TMEM45B: variants seen among roughly 807,000 people sequenced by gnomAD.
TMEM45B encodes the protein transmembrane protein 45B.
TMEM45B carries 29 observed loss-of-function variants against 27.3 expected under a neutral mutation model. The observed-to-expected ratio is 1.06, with a 90% CI of 0.79 to 1.45. TMEM45B has a LOEUF of 1.45. Ranked by LOEUF, TMEM45B falls within the 40% of genes most tolerant of loss-of-function variation. The pLI is 0.00. For missense variants in TMEM45B, 348 were observed against 343.9 expected (o/e 1.01, Z -0.09); for synonymous variants, 143 against 134.7 (o/e 1.06, Z -0.43).
intron 1 of TMEM45B, among the ~76,000 whole-genome samples, chr11:129,845,301 G>A (rs909236756): frequency 7.3e-6 from 1 of 137,466 alleles, no homozygotes; most frequent in African/African-American, 2.8e-5. Flanking sequence ...GTGTGTGTAT[G>A]CATGAAGGAA....
At chr11:129,818,918 A>G (rs759568492) in intron 1 of TMEM45B, among the ~76,000 whole-genome samples, 2 of 152,196 alleles carry the variant, frequency 1.3e-5, no homozygotes, top group East Asian at 1.9e-4. Context: ...GCTAAAAACA[A>G]TGTTCAGATT....
rs1356997227 is a variant in TMEM45B at position 129,845,338 on chromosome 11, TGTGTG to T, written c.-8-7136_-8-7132del. Reference sequence around the variant, plus strand: ...GGGTAGGAAATAGAGCTATTATAGATGTGTGTGTGTGTGTGTGTGTGTGTGTGTGT... The same window carrying T: ...GGGTAGGAAATAGAGCTATTATAGATTGTGTGTGTGTGTGTGTGTGTGTGT... On this transcript the variant is annotated intron_variant, in intron 1 of 5. Transcript: ENST00000281441. Among the ~76,000 whole-genome samples, 79 of 35,010 alleles carry T rather than the reference TGTGTG, an allele frequency of 2.3e-3. 2 individuals carry two copies. The highest frequency in any genetic ancestry group is 3.9e-3 in the African/African-American group (73 of 18,940). 23.0% of individuals were successfully genotyped at this position (35,010 alleles called of 152,430 possible).
At chr11:129,827,135 G>A (rs1947495046) in intron 1 of TMEM45B, 1 of 152,262 alleles carries the variant, frequency 6.6e-6, no homozygotes, top group African/African-American at 2.4e-5. Flanking sequence ...CCCACTTTGT[G>A]TGCTATGTGC....
intron 1 of TMEM45B, among the ~76,000 whole-genome samples, chr11:129,846,073 A>G (rs945785449): frequency 6.6e-6 from 1 of 152,272 alleles, no homozygotes; most frequent in African/African-American, 2.4e-5. Flanking sequence ...TTTGGTCAAC[A>G]TTTGACAGAT....
In TMEM45B at chr11:129,843,583, G is replaced by A. The variant is rs545968826; in HGVS notation, c.-8-8892G>A. ...TATAGCATTGTAGTCAAAGAATGTA[G>A]GCAATAAATTTTCTGCTTTGAGAAA... On this transcript the variant is annotated intron_variant, in intron 1 of 5. Coordinates refer to ENST00000281441, the MANE Select transcript of TMEM45B (RefSeq NM_138788.5). Among the ~76,000 whole-genome samples the A allele has an allele frequency of 4.7e-5, 7 of 149,882 alleles. No individual in the cohort carries two copies. In the South Asian group the frequency reaches 8.4e-4, roughly 18 times the overall value.
chr11:129,852,509 T>C lies in TMEM45B; in HGVS notation c.27T>C (p.Leu9=). The C allele has an allele frequency of 6.2e-7, 1 of 1,608,706 alleles. No individual in the cohort carries two copies. The highest frequency in any genetic ancestry group is 8.5e-7 in the Non-Finnish European group (1 of 1,175,476). Residue 9 remains leucine (L), a synonymous_variant, in exon 2 of 6, where the codon CTT becomes CTC. Coordinates refer to ENST00000281441, the MANE Select transcript of TMEM45B (RefSeq NM_138788.5). ...TGGCAAATTTCAAGGGCCACGCGCT[T>C]CCAGGGAGTTTCTTCCTGATCATTG... MANFKGHA[L]PGSFFLIIGL...
At chr11:129,832,257 C>T (rs1164286194) in intron 1 of TMEM45B, among the ~76,000 whole-genome samples, 2 of 151,654 alleles carry the variant, frequency 1.3e-5, no homozygotes, top group African/African-American at 4.8e-5. Flanking sequence ...GGAGTCCCAG[C>T]TACTCGGGAG....
At chr11:129,819,294 T>C (rs1199474264) in intron 1 of TMEM45B, among the ~76,000 whole-genome samples, 1 of 152,204 alleles carries the variant, frequency 6.6e-6, no homozygotes, top group Non-Finnish European at 1.5e-5. Flanking sequence ...CAGAAAACCC[T>C]ACTACAGCGG....
chr11:129,829,510 G>A (rs1018188478), intron 1 of TMEM45B, among the ~76,000 whole-genome samples: 2 of 152,176 alleles, frequency 1.3e-5, no homozygotes, highest in African/African-American at 4.8e-5. Context: ...TGCTTGTAAA[G>A]AAGGTGGGAA....
intron 4 of TMEM45B, among the ~76,000 whole-genome samples, chr11:129,856,628 T>C (rs1389491392): frequency 8.3e-4 from 121 of 146,572 alleles, no homozygotes; most frequent in Middle Eastern, 3.7e-3. Context: ...GGCGCAATCT[T>C]GGCTCACTGC....
chr11:129,852,555 T>C lies in TMEM45B; in HGVS notation c.73T>C (p.Tyr25His), dbSNP rs764694428. 1 of 1,613,986 alleles carries C rather than the reference T, an allele frequency of 6.2e-7. No homozygotes were observed. The highest frequency in any genetic ancestry group is 1.1e-5 in the South Asian group (1 of 91,080). ...CATTGGGCTGTGTTGGTCAGTGAAGTACCCGCTGAAGTACTTTAGCCACAC... is the reference window on the plus strand; with the variant it reads ...CATTGGGCTGTGTTGGTCAGTGAAGCACCCGCTGAAGTACTTTAGCCACAC... ...LIIGLCWSVKYPLKYFSHTRK... is the reference protein window; with the variant it reads ...LIIGLCWSVKHPLKYFSHTRK... The change falls in exon 2 of 6, where the codon TAC becomes CAC. Residue 25 changes from tyrosine (Y) to histidine (H), a missense_variant. Transcript: ENST00000281441.
Position 129,857,294 on chromosome 11 carries a change from T to C in TMEM45B, c.571-19T>C. 6.2e-7 allele frequency: 1 copy of C among 1,611,546 alleles called. No individual in the cohort carries two copies. Among genetic ancestry groups the C allele is most frequent in the Non-Finnish European group, 8.5e-7 (1 of 1,177,844 alleles). On this transcript the variant is annotated intron_variant, in intron 4 of 5. Transcript: ENST00000281441. ...AGGACGACCAACCACAAGACCAACTTCTCTCTGTAATCCCCTAGATTGGGT... is the reference window on the plus strand; with the variant it reads ...AGGACGACCAACCACAAGACCAACTCCTCTCTGTAATCCCCTAGATTGGGT...
chr11:129,829,418 T>C (rs1947522796), intron 1 of TMEM45B, among the ~76,000 whole-genome samples: 1 of 152,228 alleles, frequency 6.6e-6, no homozygotes, highest in Non-Finnish European at 1.5e-5. Flanking sequence ...TACTTTTAAG[T>C]ATATTCTTTT....
At chr11:129,847,836 T>TC (rs1240761269) in intron 1 of TMEM45B, among the ~76,000 whole-genome samples, 2 of 151,920 alleles carry the variant, frequency 1.3e-5, no homozygotes, top group African/African-American at 2.4e-5. Flanking sequence ...TCCCCACCTT[T>TC]CCCCCTTTTC....
chr11:129,857,305 T>A lies in TMEM45B; in HGVS notation c.571-8T>A. Reference sequence around the variant, plus strand: ...CCACAAGACCAACTTCTCTCTGTAATCCCCTAGATTGGGTTTGTGCTGTTC... The same window carrying A: ...CCACAAGACCAACTTCTCTCTGTAAACCCCTAGATTGGGTTTGTGCTGTTC... On this transcript the variant is annotated splice_polypyrimidine_tract_variant and splice_region_variant and intron_variant, in intron 4 of 5. Transcript: ENST00000281441. 6.2e-7 allele frequency: 1 copy of A among 1,613,636 alleles called. No homozygotes were observed. The highest frequency in any genetic ancestry group is 8.5e-7 in the Non-Finnish European group (1 of 1,179,590).
intron 1 of TMEM45B, among the ~76,000 whole-genome samples, chr11:129,824,951 G>A: frequency 6.6e-6 from 1 of 152,152 alleles, no homozygotes; most frequent in East Asian, 1.9e-4. Context: ...GACACTGTCA[G>A]GTTCATGGTG....
At chr11:129,820,187 C>T (rs1350557384) in intron 1 of TMEM45B, among the ~76,000 whole-genome samples, 4 of 151,924 alleles carry the variant, frequency 2.6e-5, no homozygotes, top group Non-Finnish European at 4.4e-5. Flanking sequence ...TGCTAGCAGG[C>T]GCCTATAGTC....
chr11:129,816,732 C>CTTTTTTTTT (rs869217352), intron 1 of TMEM45B, among the ~76,000 whole-genome samples: 18 of 79,760 alleles, frequency 2.3e-4, no homozygotes, highest in Admixed American at 3.8e-4. Flanking sequence ...ATGGCCACTT[C>CTTTTTTTTT]TTTTTTTTTT....
At chr11:129,851,069 G>A (rs188697314) in intron 1 of TMEM45B, among the ~76,000 whole-genome samples, 26 of 152,310 alleles carry the variant, frequency 1.7e-4, no homozygotes, top group Admixed American at 1.4e-3. Context: ...ATTTCTCACT[G>A]TTCTGAAAGC....
Sources: gnomAD v4.1 joint callset for allele counts (sites outside exome capture counted in the v4.1 genomes callset) on GRCh38, gnomAD v4.1.1 for gene constraint, MANE v1.5 for transcripts, NCBI Gene and HGNC (gene_info 2026-07-23, HGNC 2026-07-21) for gene names.